JMJD1C: variants seen among roughly 807,000 people sequenced by gnomAD.
The protein encoded by JMJD1C is jumonji domain containing 1C.
JMJD1C carries 31 observed loss-of-function variants against 245.3 expected under a neutral mutation model. That is an observed-to-expected ratio of 0.13 (90% CI 0.09 to 0.17). JMJD1C has a LOEUF of 0.17. JMJD1C is among the 10% of genes least tolerant of loss of function. The pLI, the probability that JMJD1C is intolerant of heterozygous loss-of-function variation, is 1.00. For synonymous variants in JMJD1C, 1,057 were observed against 1,017.4 expected (o/e 1.04, Z -0.74); for missense variants, 2,691 against 3,000.2 (o/e 0.90, Z 2.41).
chr10:63,314,986 A>C (rs1939774240), intron 2 of JMJD1C, among the ~76,000 whole-genome samples: 2 of 124,768 alleles, frequency 1.6e-5, no homozygotes, highest in African/African-American at 3.1e-5. Context: ...ACAGGGTCTC[A>C]CTCTGTCACC....
intron 2 of JMJD1C, chr10:63,268,892 G>T (rs975907460): frequency 7.1e-6 from 7 of 985,796 alleles, no homozygotes; most frequent in Non-Finnish European, 8.4e-6. Flanking sequence ...ACAGAACGAA[G>T]CAGGAGCTGT....
At chr10:63,427,525 T>C in intron 1 of JMJD1C, 2 of 1,357,062 alleles carry the variant, frequency 1.5e-6, no homozygotes, top group Non-Finnish European at 2.1e-6. Context: ...TGTTCTTCAT[T>C]CAGTGTACAT....
At chr10:63,173,404 A>G (rs548670212) in intron 24 of JMJD1C, among the ~76,000 whole-genome samples, 1 of 152,280 alleles carries the variant, frequency 6.6e-6, no homozygotes, top group Non-Finnish European at 1.5e-5. Flanking sequence ...TAAAAGAGAA[A>G]CTGATCAACT....
At chr10:63,417,445 GC>G (rs1949873933) in intron 1 of JMJD1C, among the ~76,000 whole-genome samples, 1 of 152,078 alleles carries the variant, frequency 6.6e-6, no homozygotes, top group Non-Finnish European at 1.5e-5. Flanking sequence ...TTTAAAATAT[GC>G]CCCTTTTTAT....
chr10:63,434,364 G>C (rs1950944494), intron 1 of JMJD1C, among the ~76,000 whole-genome samples: 1 of 152,126 alleles, frequency 6.6e-6, no homozygotes, highest in Non-Finnish European at 1.5e-5. Context: ...TAAGCTTTCT[G>C]ATCACACCAG....
intron 2 of JMJD1C, among the ~76,000 whole-genome samples, chr10:63,275,024 T>C (rs10761733): frequency 0.66 from 100,884 of 151,928 alleles, 36,113 homozygotes; most frequent in Non-Finnish European, 0.81. Context: ...TGCAAGATGC[T>C]GTCTCTAAAA....
chr10:63,330,142 TCCAC>T (rs1212622894), intron 2 of JMJD1C, among the ~76,000 whole-genome samples: 2 of 152,174 alleles, frequency 1.3e-5, no homozygotes, highest in African/African-American at 4.8e-5. Flanking sequence ...CCTCAGGTGA[TCCAC>T]CTGCCCTGAC....
At chr10:63,501,062 G>A (rs1448287683) in intron 1 of JMJD1C, among the ~76,000 whole-genome samples, 1 of 152,066 alleles carries the variant, frequency 6.6e-6, no homozygotes, top group Non-Finnish European at 1.5e-5. Context: ...TAAAAACTGA[G>A]TAAAGTGCCC....
intron 1 of JMJD1C, among the ~76,000 whole-genome samples, chr10:63,426,526 C>T (rs1461107338): frequency 6.6e-6 from 1 of 152,092 alleles, no homozygotes; most frequent in Non-Finnish European, 1.5e-5. Context: ...CAAAAATTAG[C>T]TGGGCGTGGT....
intron 1 of JMJD1C, among the ~76,000 whole-genome samples, chr10:63,491,105 G>A (rs1564967435): frequency 6.6e-6 from 1 of 152,158 alleles, no homozygotes; most frequent in Non-Finnish European, 1.5e-5. Context: ...AGATAATCAA[G>A]GTAATCTCTT....
intron 22 of JMJD1C, among the ~76,000 whole-genome samples, 177 bp downstream of exon 22, chr10:63,183,270 A>G (rs913060485): frequency 6.6e-6 from 1 of 152,248 alleles, no homozygotes; most frequent in African/African-American, 2.4e-5. Flanking sequence ...TCACTTACAT[A>G]AAAAGAAATA....
intron 1 of JMJD1C, among the ~76,000 whole-genome samples, chr10:63,418,729 G>C (rs902257693): frequency 1.1e-4 from 16 of 152,140 alleles, no homozygotes; most frequent in African/African-American, 3.6e-4. Flanking sequence ...ATGTGGGGGG[G>C]GTTTCTGCTT....
At chr10:63,309,568 A>T (rs1476644040) in intron 2 of JMJD1C, among the ~76,000 whole-genome samples, 1 of 151,860 alleles carries the variant, frequency 6.6e-6, no homozygotes, top group African/African-American at 2.4e-5. Context: ...TCAAGTTTAT[A>T]ACTGTATAAC....
At chr10:63,392,203 T>A (rs1948106694) in intron 1 of JMJD1C, among the ~76,000 whole-genome samples, 1 of 152,062 alleles carries the variant, frequency 6.6e-6, no homozygotes, top group Admixed American at 6.6e-5. Context: ...TCTCTCACCG[T>A]ATACAAAATT....
chr10:63,275,291 GT>G (rs1254300099), intron 2 of JMJD1C, among the ~76,000 whole-genome samples: 1 of 152,144 alleles, frequency 6.6e-6, no homozygotes, highest in Non-Finnish European at 1.5e-5. Flanking sequence ...AGAGCAAAGT[GT>G]TTTGCCATCT....
chr10:63,441,688 C>T (rs530337894), intron 1 of JMJD1C, among the ~76,000 whole-genome samples: 2 of 152,128 alleles, frequency 1.3e-5, no homozygotes, highest in African/African-American at 4.8e-5. Context: ...TAATCAGCTG[C>T]TGACTTAAAG....
rs534561872 is a variant in JMJD1C, at chr10:63,388,955, C to G, written c.169-8473G>C. The stretch of plus-strand genomic sequence containing the variant: ...ATAACGATAAAAGAGATTGATTCAT[C>G]AAGAAAATATAACAATTCTAAACAT... On this transcript the variant is annotated intron_variant, in intron 1 of 25. Transcript: ENST00000399262. Among the ~76,000 whole-genome samples, 6 of 152,174 alleles carry G rather than the reference C, an allele frequency of 3.9e-5. No individual in the cohort carries two copies. The South Asian group carries it at 8.3e-4, about 21-fold the overall frequency.
intron 3 of JMJD1C, among the ~76,000 whole-genome samples, chr10:63,244,827 A>AG (rs1434373304): frequency 1.2e-4 from 10 of 84,002 alleles, no homozygotes; most frequent in African/African-American, 3.1e-4. Flanking sequence ...AGGGGGGGGG[A>AG]GGGGGGAGAA....
rs1944623336 is a variant in JMJD1C, at chr10:63,354,364, T to C, written c.333+25954A>G. ...TATTCATTTTTATTGTTTGAACATATTGCCTATTTAATTTTTAAGTTTATG... is the reference window on the plus strand; with the variant it reads ...TATTCATTTTTATTGTTTGAACATACTGCCTATTTAATTTTTAAGTTTATG... On this transcript the variant is annotated intron_variant, in intron 2 of 25. Coordinates refer to ENST00000399262, the MANE Select transcript of JMJD1C (RefSeq NM_032776.3). 2.0e-5 allele frequency among the ~76,000 whole-genome samples: 3 copies of C among 152,188 alleles called. No individual in the cohort carries two copies. In the South Asian group the frequency reaches 6.2e-4, roughly 32 times the overall value.
Sources: gnomAD v4.1 joint callset for allele counts (sites outside exome capture counted in the v4.1 genomes callset) on GRCh38, gnomAD v4.1.1 for gene constraint, MANE v1.5 for transcripts, NCBI Gene and HGNC (gene_info 2026-07-23, HGNC 2026-07-21) for gene names.